The following GRM8 variants were observed in gnomAD, a reference collection of about 807,000 sequenced individuals.
The protein encoded by GRM8 is metabotropic glutamate receptor 8.
A neutral mutation model predicts 87.2 loss-of-function variants in GRM8; 47 were observed. The observed-to-expected ratio is 0.54, with a 90% CI of 0.43 to 0.69. GRM8 has a LOEUF of 0.69. Among genes scored for constraint, GRM8 ranks in the 30% least tolerant of loss-of-function variants. The pLI is 0.00. For synonymous variants in GRM8, 396 were observed against 404.5 expected (o/e 0.98, Z 0.25); for missense variants, 1,019 against 1,139.2 (o/e 0.89, Z 1.52).
intron 3 of GRM8, chr7:127,082,151 C>T (rs6959743): frequency 0.1 from 15,253 of 152,202 alleles, 2,524 homozygotes; most frequent in African/African-American, 0.34. Context: ...TTCTTTCATT[C>T]CATATTCACA....
chr7:126,843,305 A>C (rs1276803986), intron 6 of GRM8, among the ~76,000 whole-genome samples: 3 of 152,164 alleles, frequency 2.0e-5, no homozygotes, highest in Non-Finnish European at 4.4e-5. Flanking sequence ...AAAGGGGACT[A>C]TAAAGTAGAA....
At chr7:127,140,672 G>A (rs944688455) in intron 2 of GRM8, among the ~76,000 whole-genome samples, 3 of 152,088 alleles carry the variant, frequency 2.0e-5, no homozygotes, top group South Asian at 2.1e-4. Context: ...GCCCTTGAAC[G>A]CCACCCAGCT....
chr7:126,697,242 G>A (rs192351479), intron 7 of GRM8, among the ~76,000 whole-genome samples: 68 of 151,428 alleles, frequency 4.5e-4, no homozygotes, highest in Non-Finnish European at 7.5e-4. Context: ...AGGGGATGGG[G>A]AATGGAGAAA....
chr7:126,978,908 A>G (rs1265220781), intron 3 of GRM8, among the ~76,000 whole-genome samples: 1 of 152,222 alleles, frequency 6.6e-6, no homozygotes, highest in Non-Finnish European at 1.5e-5. Context: ...CCTATAAAAC[A>G]GGAATTTATT....
chr7:127,109,993 T>C (rs1170889166), intron 2 of GRM8, among the ~76,000 whole-genome samples: 2 of 152,116 alleles, frequency 1.3e-5, no homozygotes, highest in East Asian at 1.9e-4. Flanking sequence ...TAGCAGAACA[T>C]GGGAGGGCGA....
chr7:126,788,671 T>A (rs1162393701), intron 6 of GRM8, among the ~76,000 whole-genome samples: 1 of 151,930 alleles, frequency 6.6e-6, no homozygotes, highest in East Asian at 1.9e-4. Flanking sequence ...ATCATAACTT[T>A]ATAGTTGAAC....
chr7:127,165,133 T>C (rs1187176237), intron 2 of GRM8, among the ~76,000 whole-genome samples: 6 of 108,268 alleles, frequency 5.5e-5, no homozygotes, highest in African/African-American at 1.0e-4. Context: ...ATAATAAACA[T>C]GTAAACAGAT....
rs555813657 is a variant in GRM8, at chr7:127,037,757, G to T, written c.727+68739C>A. On this transcript the variant is annotated intron_variant, in intron 3 of 10. Transcript: ENST00000339582. ...ATAGCGGAGATATCTCAGCCCTGCA[G>T]AACACAGGATCACAAGGAGTCATAG... 3.5e-4 allele frequency among the ~76,000 whole-genome samples: 53 copies of T among 152,118 alleles called. 1 individual carries two copies. The highest frequency in any genetic ancestry group is 3.4e-3 in the Middle Eastern group (1 of 294).
At chr7:126,510,754 T>A (rs924430521) in intron 9 of GRM8, among the ~76,000 whole-genome samples, 12 of 103,218 alleles carry the variant, frequency 1.2e-4, no homozygotes, top group Middle Eastern at 5.4e-3. Context: ...TTTTAGTGAG[T>A]AATTGGACTC....
intron 9 of GRM8, chr7:126,511,102 G>A (rs1315664593): frequency 6.6e-6 from 1 of 152,098 alleles, no homozygotes; most frequent in East Asian, 1.9e-4. Flanking sequence ...TCTCTATGGA[G>A]ATATCTATAA....
intron 7 of GRM8, among the ~76,000 whole-genome samples, chr7:126,766,832 C>T (rs923450471): frequency 1.3e-5 from 2 of 152,114 alleles, no homozygotes; most frequent in East Asian, 1.9e-4. Flanking sequence ...CTGGCTATCA[C>T]CAACATAATC....
intron 3 of GRM8, among the ~76,000 whole-genome samples, chr7:126,917,196 G>C (rs532114718): frequency 1.5e-4 from 23 of 152,114 alleles, no homozygotes; most frequent in Non-Finnish European, 3.1e-4. Flanking sequence ...AGCTGGTCTC[G>C]AACTCCTGGC....
chr7:126,899,551 A>G (rs12532030), intron 6 of GRM8, among the ~76,000 whole-genome samples: 13,957 of 152,130 alleles, frequency 0.092, 683 homozygotes, highest in Middle Eastern at 0.16. Flanking sequence ...TTCCCTAATT[A>G]TCTATATCCA....
chr7:126,482,497 C>A (rs1806811788), intron 9 of GRM8, among the ~76,000 whole-genome samples: 3 of 151,960 alleles, frequency 2.0e-5, no homozygotes, highest in Admixed American at 2.0e-4. Context: ...ACATACACTT[C>A]AACATGAATG....
intron 2 of GRM8, among the ~76,000 whole-genome samples, chr7:127,215,619 A>T (rs1303527740): frequency 6.6e-6 from 1 of 151,900 alleles, no homozygotes; most frequent in East Asian, 1.9e-4. Context: ...CTCTCTCTCC[A>T]TTTTTGCCTC....
chr7:126,444,674 T>C (rs958671184), intron 10 of GRM8, among the ~76,000 whole-genome samples: 2 of 152,060 alleles, frequency 1.3e-5, no homozygotes, highest in African/African-American at 4.8e-5. Flanking sequence ...TATCTAGAAA[T>C]CTTGATAGAA....
intron 3 of GRM8, among the ~76,000 whole-genome samples, chr7:127,039,238 C>A (rs1818123790): frequency 6.6e-6 from 1 of 152,046 alleles, no homozygotes; most frequent in African/African-American, 2.4e-5. Flanking sequence ...GGTTAAAGGA[C>A]TAATAAGTTA....
At chr7:126,821,242 T>C (rs1375730420) in intron 6 of GRM8, among the ~76,000 whole-genome samples, 2 of 152,218 alleles carry the variant, frequency 1.3e-5, no homozygotes, top group Non-Finnish European at 2.9e-5. Context: ...ATCTCCTCTT[T>C]TCCTTGTATT....
chr7:127,001,867 G>C (rs965402725), intron 3 of GRM8, among the ~76,000 whole-genome samples: 1 of 148,940 alleles, frequency 6.7e-6, no homozygotes, highest in African/African-American at 2.6e-5. Flanking sequence ...TAAGAGAATA[G>C]AGTATTGTTA....
Sources: gnomAD v4.1 joint callset for allele counts (sites outside exome capture counted in the v4.1 genomes callset) on GRCh38, gnomAD v4.1.1 for gene constraint, MANE v1.5 for transcripts, NCBI Gene and HGNC (gene_info 2026-07-23, HGNC 2026-07-21) for gene names.